Variants in RTN4 observed in about 807,000 individuals in gnomAD.
RTN4 encodes reticulon 4.
A neutral mutation model predicts 90.4 loss-of-function variants in RTN4; 32 were observed. The ratio of observed to expected loss-of-function variants is 0.35; its 90% CI spans 0.27 to 0.48. The LOEUF is 0.48. Ranked by LOEUF, RTN4 falls within the 20% of genes least tolerant of loss-of-function variation. The probability of loss-of-function intolerance (pLI) is 0.99; values close to 1 mark genes in which losing one functional copy is unlikely to be tolerated. For synonymous variants in RTN4, 629 were observed against 552.5 expected, an observed-to-expected ratio of 1.14 and a Z score of -1.94; for missense variants, 1,706 against 1,430.2, an observed-to-expected ratio of 1.19 and a Z score of -3.11.
the RTN4 span, among the ~76,000 whole-genome samples, chr2:55,129,885 A>C: frequency 2.6e-5 from 4 of 152,126 alleles, no homozygotes; most frequent in African/African-American, 9.7e-5. Context: ...AAAAAGAAAA[A>C]AGAGTAGGAA....
intron 3 of RTN4, among the ~76,000 whole-genome samples, chr2:55,011,867 C>T (rs1193551343): frequency 2.0e-5 from 3 of 152,122 alleles, no homozygotes; most frequent in Non-Finnish European, 2.9e-5. Context: ...ATTCTCAGCT[C>T]GAGTTAATAT....
intron 3 of RTN4, among the ~76,000 whole-genome samples, chr2:54,999,951 A>G (rs1368585498): frequency 1.3e-5 from 2 of 152,150 alleles, no homozygotes; most frequent in Non-Finnish European, 2.9e-5. Flanking sequence ...TTCTTCCTTC[A>G]GGTTAGTATC....
chr2:55,032,060 CAAAT>C (rs1163520588), intron 1 of RTN4, among the ~76,000 whole-genome samples: 1 of 150,342 alleles, frequency 6.7e-6, no homozygotes, highest in Non-Finnish European at 1.5e-5. Flanking sequence ...TATAAACAAA[CAAAT>C]AACGTAGACG....
chr2:55,131,253 G>A, the RTN4 span, among the ~76,000 whole-genome samples: 464 of 151,282 alleles, frequency 3.1e-3, 2 homozygotes, highest in Middle Eastern at 0.014. Flanking sequence ...CTTTCACCCA[G>A]GCTGGAGTGC....
chr2:55,071,294 A>G (rs1483396185), intron 2 of RTN4, among the ~76,000 whole-genome samples: 1 of 151,982 alleles, frequency 6.6e-6, no homozygotes, highest in African/African-American at 2.4e-5. Context: ...TCTCAGTTTC[A>G]TCATTTCTCA....
At chr2:54,982,143 ACGGGGTTT>A (rs71772134) in intron 5 of RTN4, among the ~76,000 whole-genome samples, 17,296 of 151,806 alleles carry the variant, frequency 0.11, 1,450 homozygotes, top group African/African-American at 0.23. Flanking sequence ...TTTAGTAGAG[ACGGGGTTT>A]CTCCATGTTG....
At chr2:55,061,255 G>A (rs1050737678) in intron 2 of RTN4, among the ~76,000 whole-genome samples, 1 of 151,862 alleles carries the variant, frequency 6.6e-6, no homozygotes, top group Non-Finnish European at 1.5e-5. Flanking sequence ...GTAGGGACGG[G>A]GTTTCACCAT....
chr2:55,120,072 C>A, the RTN4 span, among the ~76,000 whole-genome samples: 8 of 152,214 alleles, frequency 5.3e-5, no homozygotes, highest in Non-Finnish European at 8.8e-5. Context: ...GACTGGCCCA[C>A]GGCACTGAGA....
Position 54,982,582 on chromosome 2 carries a change from T to C in RTN4, c.3293A>G (p.His1098Arg), listed in dbSNP as rs749691593. ...VQKYSNSALGHVNCTIKELRR... is the reference protein window; with the variant it reads ...VQKYSNSALGRVNCTIKELRR... ...GAGTTCCTTTATCGTGCAGTTCACATGACCAAGAGCAGAATTACTGTACTT... is the reference window on the plus strand; with the variant it reads ...GAGTTCCTTTATCGTGCAGTTCACACGACCAAGAGCAGAATTACTGTACTT... Residue 1098 changes from histidine to arginine, a missense_variant, in exon 5 of 9, where the codon CAT (histidine) becomes CGT (arginine). By Grantham distance (29) the His-to-Arg change is conservative. Transcript: ENST00000337526. 5 of 1,613,890 alleles carry C rather than the reference T, an allele frequency of 3.1e-6. No homozygotes were observed. In the East Asian group the frequency reaches 8.9e-5, roughly 29 times the overall value.
At chr2:55,081,278 T>C (rs1668709782) in intron 1 of RTN4, among the ~76,000 whole-genome samples, 1 of 152,086 alleles carries the variant, frequency 6.6e-6, no homozygotes, top group Non-Finnish European at 1.5e-5. Flanking sequence ...GGTCTCACTA[T>C]GTTGTCCAGC....
At chr2:55,062,967 C>A (rs1232805810) in intron 2 of RTN4, among the ~76,000 whole-genome samples, 2 of 152,156 alleles carry the variant, frequency 1.3e-5, no homozygotes, top group Non-Finnish European at 2.9e-5. Context: ...ACTGGGGCAA[C>A]CATTTTGGAC....
intron 1 of RTN4, among the ~76,000 whole-genome samples, chr2:55,035,446 T>C (rs1051097138): frequency 3.3e-5 from 5 of 152,054 alleles, no homozygotes; most frequent in African/African-American, 4.8e-5. Context: ...CAAATGATCA[T>C]GAAAATGTGT....
chr2:54,994,971 G>A (rs775180573), intron 3 of RTN4, among the ~76,000 whole-genome samples: 4 of 152,280 alleles, frequency 2.6e-5, no homozygotes, highest in East Asian at 1.9e-4. Flanking sequence ...AAGGTCGGGC[G>A]CAGTGGCTCA....
chr2:55,010,129 A>G (rs745542226), intron 3 of RTN4: 12 of 1,613,556 alleles, frequency 7.4e-6, no homozygotes, highest in Non-Finnish European at 1.0e-5. Flanking sequence ...ATCTCTTGTC[A>G]CGATCTGCTT....
intron 3 of RTN4, among the ~76,000 whole-genome samples, chr2:54,990,890 A>T (rs2015919): frequency 0.33 from 50,367 of 151,586 alleles, 9,444 homozygotes; most frequent in East Asian, 0.63. Flanking sequence ...GGTTCATGGC[A>T]TTCTCCTGCC....
chr2:55,025,625 T>A lies in RTN4; in HGVS notation c.2474A>T (p.Lys825Met). 1.9e-6 allele frequency: 3 copies of A among 1,613,652 alleles called. No individual in the cohort carries two copies. Among genetic ancestry groups the A allele is most frequent in the Non-Finnish European group, 2.5e-6 (3 of 1,179,794 alleles). The change falls in exon 3 of 9, where the codon AAG (lysine) becomes ATG (methionine). Residue 825 changes from lysine to methionine, a missense_variant. Coordinates refer to ENST00000337526, the MANE Select transcript of RTN4 (RefSeq NM_020532.5). ...LPDEVSTLSK[K>M]EKIPLQMEEL... ...CTCCATCTGCAAAGGAATTTTCTCCTTTTTGCTCAATGTTGAAACTTCATC... is the reference window on the plus strand; with the variant it reads ...CTCCATCTGCAAAGGAATTTTCTCCATTTTGCTCAATGTTGAAACTTCATC...
intron 1 of RTN4, among the ~76,000 whole-genome samples, chr2:55,104,493 G>A (rs1199151330): frequency 6.6e-6 from 1 of 151,962 alleles, no homozygotes; most frequent in Admixed American, 6.6e-5. Context: ...TGGGACTACA[G>A]GCGCATGCCA....
At chr2:55,092,234 TTTTC>T (rs1668952167) in intron 1 of RTN4, among the ~76,000 whole-genome samples, 1 of 150,978 alleles carries the variant, frequency 6.6e-6, no homozygotes, top group South Asian at 2.1e-4. Flanking sequence ...TTTTTTTTTC[TTTTC>T]TTTTTTTTTT....
At chr2:54,981,250 C>T (rs1205106048) in intron 5 of RTN4, among the ~76,000 whole-genome samples, 2 of 150,652 alleles carry the variant, frequency 1.3e-5, no homozygotes, top group Non-Finnish European at 3.0e-5. Context: ...AATAACGTAT[C>T]AACTACTAGG....
Sources: allele counts gnomAD v4.1 joint callset (sites outside exome capture counted in the v4.1 genomes callset), GRCh38; gene constraint gnomAD v4.1.1; transcripts MANE v1.5; gene names NCBI Gene and HGNC (gene_info 2026-07-23, HGNC 2026-07-21).